The following EFR3A variants were observed in gnomAD, a reference collection of about 807,000 sequenced individuals.
The protein encoded by EFR3A is protein EFR3 homolog A.
Under a neutral mutation model 104.4 loss-of-function variants are expected in EFR3A, and 76 were observed. The observed-to-expected ratio is 0.73, with a 90% CI of 0.60 to 0.88. The LOEUF (loss-of-function observed/expected upper bound fraction) is 0.88. Ranked by LOEUF, EFR3A falls within the 40% of genes least tolerant of loss-of-function variation. The pLI is 0.00. For synonymous variants in EFR3A, 330 were observed against 330.0 expected, an observed-to-expected ratio of 1.00 and a Z score of 0.00; for missense variants, 985 against 1,012.5, an observed-to-expected ratio of 0.97 and a Z score of 0.37.
At chr8:131,995,043 T>A (rs1215346244) in intron 18 of EFR3A, among the ~76,000 whole-genome samples, 1 of 152,168 alleles carries the variant, frequency 6.6e-6, no homozygotes, top group Non-Finnish European at 1.5e-5. Flanking sequence ...ACTATGTTTT[T>A]TCAGAATCAG....
At chr8:131,936,580 C>CT (rs1817900075) in intron 1 of EFR3A, among the ~76,000 whole-genome samples, 1 of 151,988 alleles carries the variant, frequency 6.6e-6, no homozygotes, top group Non-Finnish European at 1.5e-5. Context: ...CAGTTGGAAG[C>CT]CCCAGGTTGT....
chr8:131,937,175 A>G (rs1195852199), intron 1 of EFR3A, among the ~76,000 whole-genome samples: 1 of 151,976 alleles, frequency 6.6e-6, no homozygotes, highest in Admixed American at 6.6e-5. Flanking sequence ...CCAAATATAT[A>G]TTTCACAATA....
At chr8:131,909,063 G>A (rs1816384879) in intron 1 of EFR3A, among the ~76,000 whole-genome samples, 1 of 152,080 alleles carries the variant, frequency 6.6e-6, no homozygotes, top group Admixed American at 6.5e-5. Context: ...ATCCTACTCT[G>A]TTATCAGACA....
chr8:131,937,619 A>G (rs1817966584), intron 1 of EFR3A, among the ~76,000 whole-genome samples: 1 of 152,108 alleles, frequency 6.6e-6, no homozygotes, highest in South Asian at 2.1e-4. Context: ...TTTACTGATA[A>G]TAGTATTTAT....
intron 1 of EFR3A, among the ~76,000 whole-genome samples, chr8:131,914,057 A>G (rs1816641228): frequency 6.6e-6 from 1 of 152,194 alleles, no homozygotes; most frequent in African/African-American, 2.4e-5. Flanking sequence ...CTTTATGAAC[A>G]TGTTGTTAGA....
intron 10 of EFR3A, among the ~76,000 whole-genome samples, chr8:131,973,709 A>G (rs948700009): frequency 3.9e-5 from 6 of 152,130 alleles, no homozygotes; most frequent in Non-Finnish European, 5.9e-5. Flanking sequence ...TTGCACTTTA[A>G]GTTATCAGGC....
intron 1 of EFR3A, among the ~76,000 whole-genome samples, chr8:131,916,169 A>C (rs982062539): frequency 3.2e-4 from 48 of 152,234 alleles, no homozygotes; most frequent in African/African-American, 1.1e-3. Context: ...AGATGTTAAT[A>C]ATAAAAGAAA....
In EFR3A at chr8:132,011,031, G is replaced by T; in HGVS notation, c.*136G>T. ...GGAACATATCTTTAACCAAATGTTT[G>T]GCATACCATATTAGAAGTTTTGGAG... On this transcript the variant is annotated 3_prime_UTR_variant, in exon 23 of 23. Coordinates refer to ENST00000254624, the MANE Select transcript of EFR3A (RefSeq NM_015137.6). 1 of 1,299,938 alleles carries T rather than the reference G, an allele frequency of 7.7e-7. No individual in the cohort carries two copies. The allele number at this position is 1,299,938 out of a possible 1,614,324, so 80.5% of individuals were successfully genotyped here.
intron 19 of EFR3A, among the ~76,000 whole-genome samples, chr8:132,001,367 T>G (rs530632337): frequency 6.6e-6 from 1 of 152,222 alleles, no homozygotes; most frequent in African/African-American, 2.4e-5. Flanking sequence ...AAAATGTATT[T>G]ATGTATAATC....
chr8:131,952,223 T>A lies in EFR3A; in HGVS notation c.489-1595T>A, dbSNP rs75778655. Among the ~76,000 whole-genome samples, 17 of 152,274 alleles carry A rather than the reference T, an allele frequency of 1.1e-4. No individual in the cohort carries two copies. The East Asian group carries it at 3.3e-3, about 29-fold the overall frequency. ...AACAGCTAACACTGAGTGCTTTCTG[T>A]GTGCCAGTTATTGTTTAACCACTTT... On this transcript the variant is annotated intron_variant, in intron 5 of 22. Coordinates refer to ENST00000254624, the MANE Select transcript of EFR3A (RefSeq NM_015137.6).
In EFR3A at chr8:132,013,089, C is replaced by T. The variant is rs1822431662; in HGVS notation, c.*2194C>T. On this transcript the variant is annotated 3_prime_UTR_variant, in exon 23 of 23. Coordinates refer to ENST00000254624, the MANE Select transcript of EFR3A (RefSeq NM_015137.6). ...ATTCTGCAGGAACTGGGTGTGCACACGGTGTTGTAGCCAGTTCAGGTACTG... is the reference window on the plus strand; with the variant it reads ...ATTCTGCAGGAACTGGGTGTGCACATGGTGTTGTAGCCAGTTCAGGTACTG... 1 of 152,240 alleles carries T rather than the reference C, an allele frequency of 6.6e-6. No individual in the cohort carries two copies. Among genetic ancestry groups the T allele is most frequent in the African/African-American group, 2.4e-5 (1 of 41,548 alleles). The allele number at this position is 152,240 out of a possible 1,614,324, so 9.4% of individuals were successfully genotyped here. A position where few individuals can be genotyped will look rare whatever the true frequency, so the allele number is the denominator to read the frequency against.
chr8:131,964,433 C>G (rs1345612656), intron 8 of EFR3A, among the ~76,000 whole-genome samples: 1 of 151,688 alleles, frequency 6.6e-6, no homozygotes, highest in Non-Finnish European at 1.5e-5. Context: ...CAATAACAGA[C>G]AAACAGAGAG....
At chr8:131,925,955 GTTA>G (rs1817276246) in intron 1 of EFR3A, among the ~76,000 whole-genome samples, 2 of 151,888 alleles carry the variant, frequency 1.3e-5, no homozygotes, top group South Asian at 2.1e-4. Context: ...TTATTTTAAT[GTTA>G]TTATTTTTTT....
At chr8:131,907,931 ACTGCCCTGTTTG>A (rs1330212816) in intron 1 of EFR3A, among the ~76,000 whole-genome samples, 5 of 151,736 alleles carry the variant, frequency 3.3e-5, no homozygotes, top group Non-Finnish European at 7.4e-5. Context: ...TTGGCTTGAC[ACTGCCCTGTTTG>A]CTGCCCAGAT....
At chr8:131,935,462 A>G (rs550590424) in intron 1 of EFR3A, 2 of 444,866 alleles carry the variant, frequency 4.5e-6, no homozygotes, top group East Asian at 7.3e-5. Flanking sequence ...TAATGAGGGC[A>G]TGAAGGACCA....
chr8:132,002,340 A>G (rs185941823), intron 20 of EFR3A, among the ~76,000 whole-genome samples: 4 of 152,314 alleles, frequency 2.6e-5, no homozygotes, highest in African/African-American at 7.2e-5. Context: ...ATTTTTTGGT[A>G]AGAGAGACAA....
chr8:132,001,744 A>G lies in EFR3A; in HGVS notation c.2158-15A>G, dbSNP rs1821790246. On this transcript the variant is annotated splice_polypyrimidine_tract_variant and intron_variant, in intron 19 of 22. Transcript: ENST00000254624. ...CCCTTTTTAACTCTCGATTTCACTT[A>G]TCACTTTTCTCTAGGTTAGTAACAC... 6.2e-7 allele frequency: 1 copy of G among 1,610,588 alleles called. No homozygotes were observed. Among genetic ancestry groups the G allele is most frequent in the African/African-American group, 1.3e-5 (1 of 74,928 alleles).
At chr8:131,987,748 TTA>T in intron 18 of EFR3A, 46 bp downstream of exon 18, 3 of 1,530,434 alleles carry the variant, frequency 2.0e-6, no homozygotes, top group Non-Finnish European at 2.6e-6. Flanking sequence ...ATTGCTTATG[TTA>T]TAGTAAATTT....
intron 8 of EFR3A, among the ~76,000 whole-genome samples, chr8:131,966,055 C>T (rs946133995): frequency 6.6e-6 from 1 of 151,926 alleles, no homozygotes; most frequent in African/African-American, 2.4e-5. Context: ...ACACTGGGGC[C>T]TGTTGTGGGG....
Sources: allele counts gnomAD v4.1 joint callset (sites outside exome capture counted in the v4.1 genomes callset), GRCh38; gene constraint gnomAD v4.1.1; transcripts MANE v1.5; gene names NCBI Gene and HGNC (gene_info 2026-07-23, HGNC 2026-07-21).